The following UNC5D variants were observed in gnomAD, a reference collection of about 807,000 sequenced individuals.
The protein encoded by UNC5D is netrin receptor UNC5D.
Under a neutral mutation model 105.4 loss-of-function variants are expected in UNC5D, and 39 were observed. The observed-to-expected ratio is 0.37, with a 90% CI of 0.29 to 0.48. UNC5D has a LOEUF of 0.48. Among genes scored for constraint, UNC5D ranks in the 20% least tolerant of loss-of-function variants. UNC5D has a pLI of 0.98. For missense variants in UNC5D, 991 were observed against 1,202.4 expected (o/e 0.82, Z 2.60); for synonymous variants, 452 against 450.4 (o/e 1.00, Z -0.04).
chr8:35,266,481 T>C (rs1804880598), intron 1 of UNC5D, among the ~76,000 whole-genome samples: 1 of 152,208 alleles, frequency 6.6e-6, no homozygotes, highest in Admixed American at 6.5e-5. Context: ...TTCCAACATC[T>C]CAGAGCTTAT....
chr8:35,704,830 C>T (rs1189964426), intron 7 of UNC5D, among the ~76,000 whole-genome samples: 1 of 151,946 alleles, frequency 6.6e-6, no homozygotes, highest in Non-Finnish European at 1.5e-5. Context: ...GAGGCCCAGT[C>T]TCAAAGTGAC....
At position 35,515,005 on chromosome 8, in the gene UNC5D, A is replaced by T. The variant is rs72634937; in HGVS notation, c.104-34287A>T. Among the ~76,000 whole-genome samples the T allele has an allele frequency of 7.5e-3, 1,141 of 152,324 alleles. 10 individuals are homozygous for T. Among genetic ancestry groups the T allele is most frequent in the Non-Finnish European group, 0.01 (704 of 68,022 alleles). ...TAATGAAACTACTACCTGATATCAG[A>T]GTCCAGCTTGCTAAACTGTCTATGA... On this transcript the variant is annotated intron_variant, in intron 1 of 16. Transcript: ENST00000404895.
chr8:35,747,546 ATAT>A (rs1004746070), intron 11 of UNC5D, among the ~76,000 whole-genome samples: 1 of 152,150 alleles, frequency 6.6e-6, no homozygotes, highest in Non-Finnish European at 1.5e-5. Context: ...TCTATATTCA[ATAT>A]TATTATTTTT....
chr8:35,339,360 T>C (rs1166215629), intron 1 of UNC5D, among the ~76,000 whole-genome samples: 2 of 152,238 alleles, frequency 1.3e-5, no homozygotes, highest in Non-Finnish European at 2.9e-5. Context: ...ATTTTAATAC[T>C]TTGAGGTCGT....
intron 1 of UNC5D, among the ~76,000 whole-genome samples, chr8:35,509,677 C>T (rs1000522403): frequency 2.6e-5 from 4 of 151,398 alleles, no homozygotes; most frequent in Non-Finnish European, 4.4e-5. Context: ...ACACAGAATA[C>T]TTCTGTGACC....
intron 1 of UNC5D, among the ~76,000 whole-genome samples, chr8:35,447,774 C>A (rs1287388253): frequency 6.6e-6 from 1 of 152,010 alleles, no homozygotes; most frequent in East Asian, 1.9e-4. Flanking sequence ...TATTATTCAT[C>A]CTCTACCCTC....
At chr8:35,617,039 G>C (rs184616951) in intron 4 of UNC5D, among the ~76,000 whole-genome samples, 1 of 152,182 alleles carries the variant, frequency 6.6e-6, no homozygotes, top group African/African-American at 2.4e-5. Flanking sequence ...TCCCAATCCT[G>C]CTGAGGCAGC....
chr8:35,680,467 T>C (rs1256766794), intron 4 of UNC5D, among the ~76,000 whole-genome samples: 1 of 152,226 alleles, frequency 6.6e-6, no homozygotes, highest in Non-Finnish European at 1.5e-5. Context: ...CCAGATTTAC[T>C]GGAATGGGTT....
At chr8:35,253,473 CTTTTTTTTTT>C (rs58063448) in intron 1 of UNC5D, among the ~76,000 whole-genome samples, 3 of 99,826 alleles carry the variant, frequency 3.0e-5, no homozygotes, top group African/African-American at 7.7e-5. Flanking sequence ...ATTTTATTTC[CTTTTTTTTTT>C]TTTTTTTTTT....
chr8:35,492,352 A>G (rs1221459508), intron 1 of UNC5D, among the ~76,000 whole-genome samples: 1 of 152,128 alleles, frequency 6.6e-6, no homozygotes, highest in Non-Finnish European at 1.5e-5. Context: ...AGTGGGGTAT[A>G]CTGCATCTGT....
chr8:35,707,592 G>A (rs895163818), intron 8 of UNC5D, among the ~76,000 whole-genome samples: 20 of 152,102 alleles, frequency 1.3e-4, no homozygotes, highest in South Asian at 6.2e-4. Flanking sequence ...CCTTGCTCCC[G>A]GCCACATGGT....
At chr8:35,675,570 G>T (rs187106141) in intron 4 of UNC5D, among the ~76,000 whole-genome samples, 2 of 152,118 alleles carry the variant, frequency 1.3e-5, no homozygotes, top group South Asian at 2.1e-4. Context: ...CAAGAGAGAG[G>T]GCTGGAAATG....
chr8:35,595,646 C>T lies in UNC5D; in HGVS notation c.559C>T (p.Pro187Ser), dbSNP rs868435637. ...GCACTGCCGCCCACCAGAGGGAGTC[C>T]CTGCTGCCGAGGTAAGACAGGATCC... Reference protein sequence around the residue: ...VLHCRPPEGVPAAEVEWLKNE... With the variant: ...VLHCRPPEGVSAAEVEWLKNE... Residue 187 changes from proline (P) to serine (S), a missense_variant, in exon 4 of 17, where the codon CCT becomes TCT. Transcript: ENST00000404895. 4 of 1,613,946 alleles carry T rather than the reference C, an allele frequency of 2.5e-6. No individual in the cohort carries two copies. Among genetic ancestry groups the T allele is most frequent in the Non-Finnish European group, 3.4e-6 (4 of 1,179,928 alleles).
intron 1 of UNC5D, among the ~76,000 whole-genome samples, chr8:35,455,429 A>C (rs563612601): frequency 6.6e-6 from 1 of 151,742 alleles, no homozygotes; most frequent in Non-Finnish European, 1.5e-5. Flanking sequence ...CAGGCAAACA[A>C]CACCACGCCT....
intron 1 of UNC5D, among the ~76,000 whole-genome samples, chr8:35,460,524 G>T (rs536070548): frequency 1.7e-4 from 26 of 152,264 alleles, no homozygotes; most frequent in South Asian, 1.2e-3. Context: ...CCCTGGGTAA[G>T]GTAAAGTTTA....
At chr8:35,480,978 G>A (rs575891653) in intron 1 of UNC5D, among the ~76,000 whole-genome samples, 1 of 152,220 alleles carries the variant, frequency 6.6e-6, no homozygotes, top group African/African-American at 2.4e-5. Flanking sequence ...CCAAGTGGAG[G>A]TGCAGAAGAG....
intron 15 of UNC5D, among the ~76,000 whole-genome samples, chr8:35,772,052 A>G (rs572498144): frequency 1.1e-3 from 161 of 152,310 alleles, no homozygotes; most frequent in African/African-American, 3.6e-3. Context: ...CTTTTCTGTT[A>G]TATAAATACT....
chr8:35,638,432 T>G (rs777416683), intron 4 of UNC5D, among the ~76,000 whole-genome samples: 1 of 152,116 alleles, frequency 6.6e-6, no homozygotes, highest in Non-Finnish European at 1.5e-5. Flanking sequence ...ATGATCTATA[T>G]TTTTCAATTT....
chr8:35,251,617 T>G (rs2128812190), intron 1 of UNC5D, among the ~76,000 whole-genome samples: 1 of 152,278 alleles, frequency 6.6e-6, no homozygotes, highest in Non-Finnish European at 1.5e-5. Context: ...ATGGAAAGAT[T>G]ATACAGTATG....
Sources: gnomAD v4.1 joint callset for allele counts (sites outside exome capture counted in the v4.1 genomes callset) on GRCh38, gnomAD v4.1.1 for gene constraint, MANE v1.5 for transcripts, NCBI Gene and HGNC (gene_info 2026-07-23, HGNC 2026-07-21) for gene names.